Variants in ACTR2 observed in about 807,000 individuals in gnomAD.
The protein encoded by ACTR2 is actin related protein 2, also known as actin-related protein 2.
ACTR2 carries 5 observed loss-of-function variants against 50.2 expected under a neutral mutation model. That is an observed-to-expected ratio of 0.10 (90% CI 0.05 to 0.21). The LOEUF is 0.21. Ranked by LOEUF, ACTR2 falls within the 10% of genes least tolerant of loss-of-function variation. The pLI, the probability that ACTR2 is intolerant of heterozygous loss-of-function variation, is 1.00. For synonymous variants in ACTR2, 140 were observed against 162.9 expected (o/e 0.86, Z 1.07); for missense variants, 180 against 480.6 (o/e 0.37, Z 5.85).
At chr2:65,230,494 C>G (rs1489579483) in intron 1 of ACTR2, among the ~76,000 whole-genome samples, 4 of 148,712 alleles carry the variant, frequency 2.7e-5, no homozygotes. Flanking sequence ...TCTCTGCAAC[C>G]TCTGCCTCCT....
At chr2:65,241,872 A>G (rs915224210) in intron 2 of ACTR2, 11 of 600,492 alleles carry the variant, frequency 1.8e-5, no homozygotes, top group South Asian at 3.9e-5. Context: ...ATAACTGTCC[A>G]TGTTAATTTG....
chr2:65,253,513 C>G (rs1246708150), intron 4 of ACTR2, among the ~76,000 whole-genome samples: 1 of 149,720 alleles, frequency 6.7e-6, no homozygotes, highest in African/African-American at 2.5e-5. Context: ...CTTCTCATCT[C>G]CTTGGACAGC....
Position 65,246,506 on chromosome 2 carries a change from T to C in ACTR2, c.160-18T>C, listed in dbSNP as rs762380397. 6.4e-7 allele frequency: 1 copy of C among 1,555,458 alleles called. No individual in the cohort carries two copies. The highest frequency in any genetic ancestry group is 8.7e-7 in the Non-Finnish European group (1 of 1,146,452). ...ATTATGCAAAACTTTGATCTACAGC[T>C]TTGACATAATTTTCTAGGATCTTAT... On this transcript the variant is annotated intron_variant, in intron 2 of 8. Coordinates refer to ENST00000260641, the MANE Select transcript of ACTR2 (RefSeq NM_005722.4).
chr2:65,260,102 T>G (rs1196156665), intron 6 of ACTR2, among the ~76,000 whole-genome samples: 1 of 152,242 alleles, frequency 6.6e-6, no homozygotes, highest in African/African-American at 2.4e-5. Flanking sequence ...TTTTTGATCA[T>G]AAGACATTTT....
intron 2 of ACTR2, among the ~76,000 whole-genome samples, chr2:65,245,746 A>G (rs1206737878): frequency 1.3e-5 from 2 of 152,166 alleles, no homozygotes; most frequent in Non-Finnish European, 2.9e-5. Flanking sequence ...GTGACTTTCA[A>G]ATGTGGGTCA....
chr2:65,255,206 A>G (rs1344245278), intron 5 of ACTR2, among the ~76,000 whole-genome samples: 1 of 152,238 alleles, frequency 6.6e-6, no homozygotes, highest in African/African-American at 2.4e-5. Context: ...TGCAGGCTAC[A>G]GGAGTCCAGT....
intron 6 of ACTR2, among the ~76,000 whole-genome samples, chr2:65,258,039 A>G (rs1304551843): frequency 6.6e-6 from 1 of 152,090 alleles, no homozygotes; most frequent in Admixed American, 6.5e-5. Flanking sequence ...CCTGAATGGT[A>G]TTGGCTAGGT....
chr2:65,242,845 T>C (rs1262962376), intron 2 of ACTR2, among the ~76,000 whole-genome samples: 1 of 152,198 alleles, frequency 6.6e-6, no homozygotes, highest in Non-Finnish European at 1.5e-5. Context: ...CTGACAAAAA[T>C]CAGGCACTTC....
At position 65,270,993 on chromosome 2, in the gene ACTR2, T is replaced by G. The variant is rs1168583526; in HGVS notation, c.*2259T>G. On this transcript the variant is annotated 3_prime_UTR_variant, in exon 9 of 9. Transcript: ENST00000260641. ...TTTCCAATAATTAAAAATTTAAAAT[T>G]TTTAAATTAGAATTGCCAATACTTC... 1 of 152,180 alleles carries G rather than the reference T, an allele frequency of 6.6e-6. No homozygotes were observed. The highest frequency in any genetic ancestry group is 2.4e-5 in the African/African-American group (1 of 41,460). The allele number at this position is 152,180 out of a possible 1,614,324, so 9.4% of individuals were successfully genotyped here. A position where few individuals can be genotyped will look rare whatever the true frequency, so the allele number is the denominator to read the frequency against.
intron 8 of ACTR2, 45 bp downstream of exon 8, chr2:65,265,220 C>CTA (rs764744032): frequency 5.0e-6 from 8 of 1,608,036 alleles, no homozygotes; most frequent in Admixed American, 3.3e-5. Context: ...TTTTAAAAGG[C>CTA]TATACAGTAG....
intron 5 of ACTR2, among the ~76,000 whole-genome samples, 188 bp from the exon 6 acceptor site, chr2:65,255,357 C>T (rs1411659768): frequency 6.6e-6 from 1 of 151,828 alleles, no homozygotes; most frequent in Non-Finnish European, 1.5e-5. Flanking sequence ...ATTCTTTTAC[C>T]CTCTCTGAAA....
In ACTR2 at chr2:65,261,447, T is replaced by C. The variant is rs1228690591; in HGVS notation, c.881+55T>C. On this transcript the variant is annotated intron_variant, in intron 7 of 8. Transcript: ENST00000260641. ...TTTATCAGAAAAATCATAAAAATAGTTTTAAAGTTATTTATCAGAAATAGA... is the reference window on the plus strand; with the variant it reads ...TTTATCAGAAAAATCATAAAAATAGCTTTAAAGTTATTTATCAGAAATAGA... The C allele has an allele frequency of 3.4e-6, 5 of 1,489,514 alleles. No homozygotes were observed. In the African/African-American group the frequency reaches 4.3e-5, roughly 13 times the overall value. 92.3% of individuals were successfully genotyped at this position (1,489,514 alleles called of 1,614,324 possible).
chr2:65,266,169 G>A (rs1489049426), intron 8 of ACTR2, among the ~76,000 whole-genome samples: 2 of 152,164 alleles, frequency 1.3e-5, no homozygotes, highest in Admixed American at 1.3e-4. Context: ...CAGAATCCCT[G>A]CTTTTAGTCT....
rs923607609 is a variant in ACTR2 at position 65,255,393 on chromosome 2, G to A, written c.586-152G>A. ...CTGAAATATAAATCCTTTTATGGCG[G>A]ATAAAATCCTGCTTCTGAAATAGTA... On this transcript the variant is annotated intron_variant, in intron 5 of 8. Transcript: ENST00000260641. The A allele has an allele frequency of 2.0e-5, 12 of 591,256 alleles. No individual in the cohort carries two copies. In the African/African-American group the frequency reaches 2.0e-4, roughly 10 times the overall value. The allele number at this position is 591,256 out of a possible 1,614,324, so 36.6% of individuals were successfully genotyped here. A position where few individuals can be genotyped will look rare whatever the true frequency, so the allele number is the denominator to read the frequency against.
Position 65,266,139 on chromosome 2 carries a change from G to A in ACTR2, c.1014+964G>A, listed in dbSNP as rs183823459. On this transcript the variant is annotated intron_variant, in intron 8 of 8. Coordinates refer to ENST00000260641, the MANE Select transcript of ACTR2 (RefSeq NM_005722.4). ...GCCAGACATAGGTCTAGGTGCCGGG[G>A]ACAAACAAAACAATGAAAACAGAAT... Among the ~76,000 whole-genome samples the A allele has an allele frequency of 3.9e-4, 59 of 152,274 alleles. 1 individual carries two copies. The highest frequency in any genetic ancestry group is 3.4e-3 in the Middle Eastern group (1 of 294).
At chr2:65,261,689 T>C (rs1448747494) in intron 7 of ACTR2, among the ~76,000 whole-genome samples, 1 of 152,246 alleles carries the variant, frequency 6.6e-6, no homozygotes, top group Non-Finnish European at 1.5e-5. Context: ...AGTTGGTGTT[T>C]CCTAAGGATA....
chr2:65,257,462 C>T (rs1672172252), intron 6 of ACTR2, among the ~76,000 whole-genome samples: 1 of 152,180 alleles, frequency 6.6e-6, no homozygotes, highest in Non-Finnish European at 1.5e-5. Flanking sequence ...TGGGTATATA[C>T]CCAGTAATGG....
At chr2:65,263,767 C>T (rs1024582475) in intron 7 of ACTR2, among the ~76,000 whole-genome samples, 19 of 152,118 alleles carry the variant, frequency 1.2e-4, no homozygotes, top group Admixed American at 1.3e-4. Context: ...CAGCTGGGCG[C>T]GGTGGCTCAC....
intron 4 of ACTR2, among the ~76,000 whole-genome samples, chr2:65,252,751 T>A (rs1039765159): frequency 2.0e-5 from 3 of 152,294 alleles, no homozygotes; most frequent in Non-Finnish European, 2.9e-5. Flanking sequence ...GTCAAATTGC[T>A]GTATCTCCAG....
Sources: gnomAD v4.1 joint callset for allele counts (sites outside exome capture counted in the v4.1 genomes callset) on GRCh38, gnomAD v4.1.1 for gene constraint, MANE v1.5 for transcripts, NCBI Gene and HGNC (gene_info 2026-07-23, HGNC 2026-07-21) for gene names.